The following DNM3 variants were observed in gnomAD, a reference collection of about 807,000 sequenced individuals.
DNM3 encodes dynamin 3.
A neutral mutation model predicts 101.6 loss-of-function variants in DNM3; 47 were observed. The ratio of observed to expected loss-of-function variants is 0.46; its 90% confidence interval spans 0.37 to 0.59. DNM3 has a LOEUF of 0.59. Ranked by LOEUF, DNM3 falls within the 20% of genes least tolerant of loss-of-function variation. The probability of loss-of-function intolerance (pLI) is 0.00; values close to 1 mark genes in which losing one functional copy is unlikely to be tolerated. For missense variants in DNM3, 849 were observed against 1,085.7 expected, an observed-to-expected ratio of 0.78 and a Z score of 3.06; for synonymous variants, 385 against 387.9, an observed-to-expected ratio of 0.99 and a Z score of 0.09.
At chr1:172,178,197 A>ATTATAT (rs2059220821) in intron 14 of DNM3, among the ~76,000 whole-genome samples, 1 of 151,934 alleles carries the variant, frequency 6.6e-6, no homozygotes, top group South Asian at 2.1e-4. Context: ...ATCTTATGAG[A>ATTATAT]CCACTGTCAT....
At chr1:172,060,310 TA>T (rs1369172487) in intron 10 of DNM3, among the ~76,000 whole-genome samples, 1 of 113,604 alleles carries the variant, frequency 8.8e-6, no homozygotes, top group Non-Finnish European at 1.7e-5. Flanking sequence ...CCCATCAAGC[TA>T]CCAATGCCTT....
chr1:171,997,955 G>T (rs1403595726), intron 4 of DNM3, among the ~76,000 whole-genome samples: 1 of 152,130 alleles, frequency 6.6e-6, no homozygotes, highest in Non-Finnish European at 1.5e-5. Context: ...CAAGTGAAAT[G>T]AGTTGTGTAA....
intron 14 of DNM3, among the ~76,000 whole-genome samples, chr1:172,172,747 A>G (rs1196538533): frequency 1.3e-5 from 2 of 151,766 alleles, no homozygotes; most frequent in Non-Finnish European, 2.9e-5. Flanking sequence ...GCCAACCACC[A>G]AAGAAAAACT....
chr1:171,878,730 T>A (rs901845376), intron 1 of DNM3, among the ~76,000 whole-genome samples: 8 of 152,198 alleles, frequency 5.3e-5, no homozygotes, highest in Admixed American at 4.6e-4. Context: ...TAAGGAATAA[T>A]CATATCGTTT....
intron 2 of DNM3, among the ~76,000 whole-genome samples, chr1:171,948,595 C>T (rs143731130): frequency 6.4e-4 from 97 of 152,210 alleles, no homozygotes; most frequent in African/African-American, 2.3e-3. Context: ...CAGCTCCTCA[C>T]GAATAACTTG....
chr1:172,206,668 G>A (rs1558725472), intron 14 of DNM3, among the ~76,000 whole-genome samples: 1 of 151,966 alleles, frequency 6.6e-6, no homozygotes, highest in Non-Finnish European at 1.5e-5. Flanking sequence ...CGTCAACATA[G>A]TGGAAAAGGC....
At position 172,081,876 on chromosome 1, in the gene DNM3, C is replaced by T. The variant is rs776800449; in HGVS notation, c.1467C>T (p.Asn489=). Residue 489 remains asparagine (N), a synonymous_variant, in exon 12 of 21, where the codon AAC becomes AAT. Transcript: ENST00000627582. ...TTCAAGTCTCTTACATCAACACCAA[C>T]CATGAAGACTTCATTGGCTTCGCAA... The part of the protein sequence containing the change: ...IDIQVSYINT[N]HEDFIGFANA... 6 of 1,613,148 alleles carry T rather than the reference C, an allele frequency of 3.7e-6. No homozygotes were observed. The Admixed American group carries it at 8.3e-5, about 22-fold the overall frequency.
At chr1:172,393,100 TA>T in intron 20 of DNM3, 1 of 152,366 alleles carries the variant, frequency 6.6e-6, no homozygotes, top group East Asian at 1.9e-4. Flanking sequence ...AGTTTCATTG[TA>T]ATCCCACATT....
In DNM3 at chr1:172,177,241, G is replaced by C. The variant is rs557626101; in HGVS notation, c.1659+45953G>C. 1.1e-4 allele frequency among the ~76,000 whole-genome samples: 16 copies of C among 151,982 alleles called. No individual in the cohort carries two copies. In the East Asian group the frequency reaches 3.1e-3, roughly 29 times the overall value. Reference sequence around the variant, plus strand: ...GGTCAACTGTGGTCCGAAAATAGGTGAGTGTTGTACAAGAATAGAGAGAGA... The same window carrying C: ...GGTCAACTGTGGTCCGAAAATAGGTCAGTGTTGTACAAGAATAGAGAGAGA... On this transcript the variant is annotated intron_variant, in intron 14 of 20. Transcript: ENST00000627582.
intron 2 of DNM3, among the ~76,000 whole-genome samples, chr1:171,956,917 GC>G (rs2042897475): frequency 6.6e-6 from 1 of 152,144 alleles, no homozygotes; most frequent in South Asian, 2.1e-4. Flanking sequence ...GCCATACCTT[GC>G]CCCCTTTTAA....
At chr1:171,947,395 G>A (rs1312646695) in intron 2 of DNM3, among the ~76,000 whole-genome samples, 1 of 152,160 alleles carries the variant, frequency 6.6e-6, no homozygotes, top group Non-Finnish European at 1.5e-5. Context: ...TGGAGAAAAG[G>A]ATGTGCATTA....
intron 2 of DNM3, among the ~76,000 whole-genome samples, chr1:171,946,105 T>C (rs1558308293): frequency 6.6e-6 from 1 of 152,154 alleles, no homozygotes; most frequent in African/African-American, 2.4e-5. Flanking sequence ...ACAAGGACCA[T>C]CATATTCTGA....
chr1:171,885,933 C>G (rs1310620643), intron 1 of DNM3, among the ~76,000 whole-genome samples: 1 of 152,056 alleles, frequency 6.6e-6, no homozygotes, highest in Non-Finnish European at 1.5e-5. Context: ...CCTGAGGGTA[C>G]AGGATGAAAC....
intron 2 of DNM3, among the ~76,000 whole-genome samples, chr1:171,951,796 C>A (rs778473390): frequency 6.6e-6 from 1 of 152,080 alleles, no homozygotes; most frequent in African/African-American, 2.4e-5. Context: ...ATGACTATAG[C>A]GCAGGAAACA....
At chr1:172,304,469 A>T (rs2064676301) in intron 15 of DNM3, among the ~76,000 whole-genome samples, 1 of 152,168 alleles carries the variant, frequency 6.6e-6, no homozygotes, top group African/African-American at 2.4e-5. Flanking sequence ...TATTAGACAG[A>T]TCAACGAGAC....
chr1:172,055,967 G>A (rs905209391), intron 10 of DNM3, among the ~76,000 whole-genome samples: 7 of 152,156 alleles, frequency 4.6e-5, no homozygotes, highest in South Asian at 2.1e-4. Context: ...GACAGTGGGC[G>A]CAGGTCAGTG....
intron 2 of DNM3, among the ~76,000 whole-genome samples, chr1:171,969,173 T>TA (rs201878073): frequency 6.6e-6 from 1 of 152,002 alleles, no homozygotes. Context: ...GACACTCCTA[T>TA]AAAAAAATGA....
intron 2 of DNM3, among the ~76,000 whole-genome samples, chr1:171,935,328 A>G (rs1281577017): frequency 2.6e-5 from 4 of 152,178 alleles, no homozygotes; most frequent in Non-Finnish European, 4.4e-5. Context: ...GTTATAGGAC[A>G]TTTAGTACTT....
chr1:172,349,050 C>G (rs2067079768), intron 17 of DNM3, among the ~76,000 whole-genome samples: 1 of 152,174 alleles, frequency 6.6e-6, no homozygotes, highest in African/African-American at 2.4e-5. Context: ...ACCACCACCC[C>G]CAGTGTCAGG....
Sources: allele counts gnomAD v4.1 joint callset (sites outside exome capture counted in the v4.1 genomes callset), GRCh38; gene constraint gnomAD v4.1.1; transcripts MANE v1.5; gene names NCBI Gene and HGNC (gene_info 2026-07-23, HGNC 2026-07-21).